Variants in DNAH14 observed in about 807,000 individuals in gnomAD.
The protein encoded by DNAH14 is axonemal beta dynein heavy chain 14.
In DNAH14, 478 loss-of-function variants were observed where a neutral mutation model predicts 520.9. That is an observed-to-expected ratio of 0.92 (90% CI 0.85 to 0.99). DNAH14 has a LOEUF of 0.99. Among genes scored for constraint, DNAH14 ranks in the 50% least tolerant of loss-of-function variants. DNAH14 has a pLI of 0.00. For synonymous variants in DNAH14, 1,581 were observed against 1,757.2 expected (o/e 0.90, Z 2.51); for missense variants, 4,831 against 5,234.5 (o/e 0.92, Z 2.38).
intron 8 of DNAH14, among the ~76,000 whole-genome samples, chr1:224,992,523 TTA>T (rs140130396): frequency 0.055 from 8,353 of 152,178 alleles, 462 homozygotes; most frequent in East Asian, 0.23. Context: ...AGATGGTTTA[TTA>T]TTAGAGTATA....
At chr1:225,380,407 C>T (rs1031439070) in intron 80 of DNAH14, 85 bp downstream of exon 80, 4 of 1,391,920 alleles carry the variant, frequency 2.9e-6, no homozygotes, top group Admixed American at 3.0e-5. Context: ...AAAGATAAGA[C>T]AAAAATTCTG....
chr1:225,059,744 T>G (rs1347952095), intron 17 of DNAH14, among the ~76,000 whole-genome samples: 2 of 152,142 alleles, frequency 1.3e-5, no homozygotes, highest in Admixed American at 1.3e-4. Flanking sequence ...TCTCTCAGCA[T>G]TTGCTTGTCT....
rs897816746 is a variant in DNAH14, at chr1:225,333,451, G to A, written c.10025G>A (p.Gly3342Asp). Reference protein sequence around the residue: ...NKWETFCIENGISLSSKFSLI... With the variant: ...NKWETFCIENDISLSSKFSLI... ...TGGGAGACATTCTGCATTGAAAATG[G>A]CATTTCTTTGTCTTCCAAATTCTCT... is the stretch of plus-strand genomic sequence containing the variant. Residue 3342 changes from glycine to aspartate, a missense_variant, in exon 66 of 86, where the codon GGC becomes GAC. Transcript: ENST00000682510. The A allele has an allele frequency of 5.2e-6, 8 of 1,551,102 alleles. No individual in the cohort carries two copies. Among genetic ancestry groups the A allele is most frequent in the African/African-American group, 1.4e-5 (1 of 72,984 alleles).
chr1:225,184,533 T>C (rs548906063), intron 36 of DNAH14, among the ~76,000 whole-genome samples: 1 of 152,076 alleles, frequency 6.6e-6, no homozygotes, highest in African/African-American at 2.4e-5. Context: ...GGCACAAGAA[T>C]CGCTTGAACC....
chr1:224,952,778 A>G lies in DNAH14; in HGVS notation c.76A>G (p.Arg26Gly). The G allele has an allele frequency of 6.3e-7, 1 of 1,582,672 alleles. No individual in the cohort carries two copies. The highest frequency in any genetic ancestry group is 1.4e-5 in the African/African-American group (1 of 73,470). ...MDKEETKTKP[R>G]LLRYEEKKYE... is the part of the protein sequence containing the mutation. ...CAAGGAGGAAACCAAGACAAAACCAAGGTAAAAGTAAGATAAAATATAATG... is the reference window on the plus strand; with the variant it reads ...CAAGGAGGAAACCAAGACAAAACCAGGGTAAAAGTAAGATAAAATATAATG... Residue 26 changes from arginine to glycine, a missense_variant and splice_region_variant, in exon 2 of 86, where the codon AGA becomes GGA. Physicochemically the swap from Arg to Gly is moderately radical, Grantham distance 125. Coordinates refer to ENST00000682510, the MANE Select transcript of DNAH14 (RefSeq NM_001367479.1).
At chr1:225,301,585 C>G (rs1455281112) in intron 56 of DNAH14, among the ~76,000 whole-genome samples, 1 of 152,160 alleles carries the variant, frequency 6.6e-6, no homozygotes, top group Non-Finnish European at 1.5e-5. Context: ...CTTTCTGTGT[C>G]TTTGAGACAT....
chr1:225,171,072 G>C (rs890218010), intron 36 of DNAH14, among the ~76,000 whole-genome samples: 4 of 152,158 alleles, frequency 2.6e-5, no homozygotes, highest in African/African-American at 9.7e-5. Flanking sequence ...TGAAACCAAT[G>C]AGAACAAAGA....
At chr1:225,247,012 G>A (rs985480453) in intron 43 of DNAH14, among the ~76,000 whole-genome samples, 4 of 152,224 alleles carry the variant, frequency 2.6e-5, no homozygotes, top group African/African-American at 9.6e-5. Flanking sequence ...TAAGGAAAAT[G>A]TGGCACATAT....
intron 84 of DNAH14, among the ~76,000 whole-genome samples, chr1:225,394,225 A>G (rs534313133): frequency 6.6e-6 from 1 of 152,250 alleles, no homozygotes; most frequent in Admixed American, 6.5e-5. Context: ...TTTTGTGAAG[A>G]TTCTGTTCAA....
intron 35 of DNAH14, among the ~76,000 whole-genome samples, chr1:225,164,897 GCT>G (rs200904150): frequency 1.3e-5 from 2 of 151,320 alleles, no homozygotes; most frequent in Non-Finnish European, 1.5e-5. Context: ...TCCTGCTTGT[GCT>G]CTCTCTCTCT....
chr1:225,179,737 G>A (rs994300100), intron 36 of DNAH14, among the ~76,000 whole-genome samples: 22 of 152,086 alleles, frequency 1.4e-4, no homozygotes, highest in Non-Finnish European at 1.5e-4. Context: ...CTTGTTACAT[G>A]TTATCATAAT....
At chr1:225,219,018 C>T (rs949104471) in intron 41 of DNAH14, among the ~76,000 whole-genome samples, 7 of 151,442 alleles carry the variant, frequency 4.6e-5, no homozygotes, top group Non-Finnish European at 8.9e-5. Flanking sequence ...AACCACACAA[C>T]TACATGGAAA....
rs1301790853 is a variant in DNAH14 at position 225,058,156 on chromosome 1, G to A, written c.2424+6361G>A. Among the ~76,000 whole-genome samples the A allele has an allele frequency of 2.0e-5, 3 of 152,112 alleles. No homozygotes were observed. The East Asian group carries it at 5.8e-4, about 29-fold the overall frequency. ...TAGAATTCGGCTGTGAAACCATCTG[G>A]TCCTGGACTTTTTTTGGTTGGTAGG... On this transcript the variant is annotated intron_variant, in intron 17 of 85. Coordinates refer to ENST00000682510, the MANE Select transcript of DNAH14 (RefSeq NM_001367479.1).
chr1:225,138,830 C>T lies in DNAH14; in HGVS notation c.4255-1938C>T, dbSNP rs78512372. Among the ~76,000 whole-genome samples, 762 of 152,206 alleles carry T rather than the reference C, an allele frequency of 5.0e-3. 6 individuals are homozygous for T. Among genetic ancestry groups the T allele is most frequent in the African/African-American group, 0.017 (719 of 41,534 alleles). ...TGCTTCTCCTCACTCTCCTTGAATC[C>T]GAGCTGCTTGCCTATTCATTCCCGA... On this transcript the variant is annotated intron_variant, in intron 27 of 85. Transcript: ENST00000682510.
chr1:225,334,888 G>T (rs2094882061), intron 66 of DNAH14, among the ~76,000 whole-genome samples: 1 of 93,878 alleles, frequency 1.1e-5, no homozygotes. Context: ...ATATATATGT[G>T]TGTGTGTGTG....
At chr1:225,049,045 C>CT (rs1196968494) in intron 15 of DNAH14, among the ~76,000 whole-genome samples, 48 of 87,122 alleles carry the variant, frequency 5.5e-4, no homozygotes, top group African/African-American at 1.9e-3. Flanking sequence ...GATCTCTTGC[C>CT]TATTTTTTTT....
At chr1:225,271,697 C>A (rs1005069765) in intron 50 of DNAH14, among the ~76,000 whole-genome samples, 2 of 152,154 alleles carry the variant, frequency 1.3e-5, no homozygotes, top group African/African-American at 2.4e-5. Context: ...AAGAGACTAG[C>A]ACCAAGTGGA....
chr1:225,142,878 A>T (rs536063420), intron 28 of DNAH14, among the ~76,000 whole-genome samples: 1 of 152,302 alleles, frequency 6.6e-6, no homozygotes, highest in African/African-American at 2.4e-5. Flanking sequence ...GTGAGCTGAG[A>T]TTGTGCCACT....
chr1:225,229,214 G>A (rs898545980), intron 41 of DNAH14, among the ~76,000 whole-genome samples: 4 of 152,148 alleles, frequency 2.6e-5, no homozygotes, highest in Admixed American at 1.3e-4. Context: ...CAAAATACCC[G>A]TGTCCACATA....
Sources: gnomAD v4.1 joint callset for allele counts (sites outside exome capture counted in the v4.1 genomes callset) on GRCh38, gnomAD v4.1.1 for gene constraint, MANE v1.5 for transcripts, NCBI Gene and HGNC (gene_info 2026-07-23, HGNC 2026-07-21) for gene names.